USH2A: variants seen among roughly 807,000 people sequenced by gnomAD.
USH2A encodes usherin, also known as Usher syndrome 2A (autosomal recessive, mild).
Under a neutral mutation model 538.9 loss-of-function variants are expected in USH2A, and 443 were observed. The ratio of observed to expected loss-of-function variants is 0.82; its 90% CI spans 0.76 to 0.89. USH2A has a LOEUF of 0.89. Among genes scored for constraint, USH2A ranks in the 40% least tolerant of loss-of-function variants. The pLI is 0.00. For missense variants in USH2A, 6,633 were observed against 6,324.8 expected (o/e 1.05, Z -1.65); for synonymous variants, 2,413 against 2,273.5 (o/e 1.06, Z -1.75).
chr1:215,916,162 A>C (rs1044270701), intron 38 of USH2A, among the ~76,000 whole-genome samples: 1 of 151,946 alleles, frequency 6.6e-6, no homozygotes, highest in African/African-American at 2.4e-5. Context: ...CATTGTGCAC[A>C]TGTACCCTGA....
At chr1:215,649,044 C>T (rs1296927959) in intron 65 of USH2A, among the ~76,000 whole-genome samples, 1 of 152,082 alleles carries the variant, frequency 6.6e-6, no homozygotes, top group Non-Finnish European at 1.5e-5. Flanking sequence ...TATCTATTAC[C>T]TTAGAAAGGT....
At position 215,799,105 on chromosome 1, in the gene USH2A, C is replaced by T. The variant is rs1216189983; in HGVS notation, c.9760G>A (p.Glu3254Lys). The T allele has an allele frequency of 6.2e-7, 1 of 1,613,760 alleles. No homozygotes were observed. The highest frequency in any genetic ancestry group is 1.3e-5 in the African/African-American group (1 of 74,930). ...ILPGEVCCPD[E>K]QHNRVSVGIG... ...CCAACAGAAACCCGATTGTGCTGTTCATCTGGACAGCATACTTCACCTGTC... is the reference window on the plus strand; with the variant it reads ...CCAACAGAAACCCGATTGTGCTGTTTATCTGGACAGCATACTTCACCTGTC... The change falls in exon 50 of 72, where the codon GAA becomes AAA. Residue 3254 changes from glutamate to lysine, a missense_variant. Physicochemically the swap from Glu to Lys is moderately conservative, Grantham distance 56 (BLOSUM62 1). Coordinates refer to ENST00000307340, the MANE Select transcript of USH2A (RefSeq NM_206933.4).
At chr1:215,688,718 T>C (rs559453065) in intron 61 of USH2A, among the ~76,000 whole-genome samples, 1 of 152,106 alleles carries the variant, frequency 6.6e-6, no homozygotes, top group Non-Finnish European at 1.5e-5. Flanking sequence ...CTTCTTCTTA[T>C]AAGAACATTA....
At chr1:215,885,157 C>T (rs1374986891) in intron 41 of USH2A, among the ~76,000 whole-genome samples, 1 of 151,734 alleles carries the variant, frequency 6.6e-6, no homozygotes, top group Non-Finnish European at 1.5e-5. Flanking sequence ...TCTTCCTAAT[C>T]TGATTTTACT....
chr1:216,354,938 A>G (rs1231755391), intron 4 of USH2A, among the ~76,000 whole-genome samples: 3 of 152,270 alleles, frequency 2.0e-5, no homozygotes, highest in East Asian at 3.9e-4. Flanking sequence ...GACAAATATA[A>G]TGAAAATCAT....
intron 3 of USH2A, among the ~76,000 whole-genome samples, chr1:216,383,989 C>G (rs1215633630): frequency 6.6e-6 from 1 of 151,338 alleles, no homozygotes; most frequent in African/African-American, 2.4e-5. Flanking sequence ...GCATGGGGCA[C>G]CACACCCAGC....
intron 61 of USH2A, among the ~76,000 whole-genome samples, chr1:215,683,601 A>T (rs536623719): frequency 4.4e-4 from 67 of 152,266 alleles, no homozygotes; most frequent in African/African-American, 9.4e-4. Flanking sequence ...TTTTGGATTC[A>T]GTTCCTTCCT....
intron 37 of USH2A, among the ~76,000 whole-genome samples, chr1:215,947,889 C>T (rs958853145): frequency 6.6e-6 from 1 of 152,022 alleles, no homozygotes; most frequent in Non-Finnish European, 1.5e-5. Flanking sequence ...ATAACTTTGG[C>T]ATGTATGCCA....
rs370173190 is a variant in USH2A, at chr1:216,206,574, G to T, written c.3316+699C>A. On this transcript the variant is annotated intron_variant, in intron 16 of 71. Coordinates refer to ENST00000307340, the MANE Select transcript of USH2A (RefSeq NM_206933.4). ...TGCTCACCTCCTGCTGTGTGGTCCT[G>T]TTCCTAACAGGTCACAGACCAGTAC... 5.9e-5 allele frequency among the ~76,000 whole-genome samples: 9 copies of T among 152,268 alleles called. No individual in the cohort carries two copies. The South Asian group carries it at 1.5e-3, about 25-fold the overall frequency.
chr1:216,170,994 T>C (rs1160498839), intron 21 of USH2A, among the ~76,000 whole-genome samples: 1 of 152,098 alleles, frequency 6.6e-6, no homozygotes, highest in African/African-American at 2.4e-5. Context: ...AATTACAAGA[T>C]CACGAAACTA....
intron 43 of USH2A, among the ~76,000 whole-genome samples, 183 bp from the exon 44 acceptor site, chr1:215,867,353 TA>T (rs764605092): frequency 2.2e-4 from 33 of 152,260 alleles, no homozygotes; most frequent in Non-Finnish European, 3.7e-4. Context: ...CACATATCAT[TA>T]ATTTTGTGAC....
chr1:216,096,535 G>A (rs759556311), intron 22 of USH2A, among the ~76,000 whole-genome samples: 3 of 152,018 alleles, frequency 2.0e-5, no homozygotes, highest in Non-Finnish European at 4.4e-5. Context: ...TTTATTTTAT[G>A]TTCCTATAAT....
At chr1:215,785,151 T>A (rs1043636454) in intron 52 of USH2A, among the ~76,000 whole-genome samples, 1 of 152,300 alleles carries the variant, frequency 6.6e-6, no homozygotes, top group Admixed American at 6.5e-5. Flanking sequence ...TTCATAAGGA[T>A]GTTTCAATCT....
chr1:215,845,584 G>A (rs1362465485), intron 45 of USH2A, among the ~76,000 whole-genome samples: 1 of 152,150 alleles, frequency 6.6e-6, no homozygotes, highest in Non-Finnish European at 1.5e-5. Context: ...AGTATACACT[G>A]AAAAGAACAG....
chr1:216,302,683 T>G (rs1301298260), intron 9 of USH2A, among the ~76,000 whole-genome samples: 1 of 152,084 alleles, frequency 6.6e-6, no homozygotes, highest in African/African-American at 2.4e-5. Context: ...ACTTCAATAT[T>G]TCAACTATTA....
rs554010560 is a variant in USH2A, at chr1:215,882,109, T to A, written c.8224-3011A>T. 6.8e-4 allele frequency among the ~76,000 whole-genome samples: 104 copies of A among 152,300 alleles called. 1 individual carries two copies. The highest frequency in any genetic ancestry group is 2.4e-3 in the African/African-American group (100 of 41,564). On this transcript the variant is annotated intron_variant, in intron 41 of 71. Transcript: ENST00000307340. ...GAAGAACTTCATGAATAAGAGCATT[T>A]ATAAAGATTGATATATGGGTTAAGA...
At position 216,206,706 on chromosome 1, in the gene USH2A, C is replaced by T. The variant is rs190377117; in HGVS notation, c.3316+567G>A. 2.8e-3 allele frequency among the ~76,000 whole-genome samples: 429 copies of T among 152,230 alleles called. 4 individuals carry two copies. Among genetic ancestry groups the T allele is most frequent in the Non-Finnish European group, 4.1e-3 (279 of 68,008 alleles). On this transcript the variant is annotated intron_variant, in intron 16 of 71. Transcript: ENST00000307340. ...GGTATCAGTTTATATGCTATCATAG[C>T]CTATAATTTATTTAACAATGTACCA...
intron 4 of USH2A, among the ~76,000 whole-genome samples, chr1:216,347,260 A>G (rs547726869): frequency 6.6e-6 from 1 of 152,244 alleles, no homozygotes; most frequent in East Asian, 1.9e-4. Flanking sequence ...AAGAAAAGAG[A>G]CAGATGGTTT....
Position 215,858,705 on chromosome 1 carries a change from A to T in USH2A, c.8845+8302T>A, listed in dbSNP as rs1664237688. 5.3e-5 allele frequency among the ~76,000 whole-genome samples: 8 copies of T among 152,004 alleles called. No individual in the cohort carries two copies. The South Asian group carries it at 1.7e-3, about 32-fold the overall frequency. On this transcript the variant is annotated intron_variant, in intron 44 of 71. Transcript: ENST00000307340. The stretch of plus-strand genomic sequence containing the variant: ...TTTTTGGATAAGAGCTTTGCTATTA[A>T]ATGTTATTTTTAGTTGCAACCTCCA...
Sources: allele counts gnomAD v4.1 joint callset (sites outside exome capture counted in the v4.1 genomes callset), GRCh38; gene constraint gnomAD v4.1.1; transcripts MANE v1.5; gene names NCBI Gene and HGNC (gene_info 2026-07-23, HGNC 2026-07-21).